The following IGF2R variants were observed in gnomAD, a reference collection of about 807,000 sequenced individuals.
IGF2R encodes insulin like growth factor 2 receptor.
A neutral mutation model predicts 270.6 loss-of-function variants in IGF2R; 91 were observed. The ratio of observed to expected loss-of-function variants is 0.34; its 90% CI spans 0.28 to 0.40. The LOEUF (loss-of-function observed/expected upper bound fraction) is 0.40, where lower values mean the gene tolerates loss of function less well. Among genes scored for constraint, IGF2R ranks in the 10% least tolerant of loss-of-function variants. The probability of loss-of-function intolerance (pLI) is 1.00; values close to 1 mark genes in which losing one functional copy is unlikely to be tolerated. For synonymous variants in IGF2R, 1,316 were observed against 1,258.9 expected (o/e 1.05, Z -0.96); for missense variants, 2,805 against 3,188.3 (o/e 0.88, Z 2.90).
chr6:160,018,455 A>T (rs1026729096), intron 4 of IGF2R, among the ~76,000 whole-genome samples: 3 of 152,186 alleles, frequency 2.0e-5, no homozygotes, highest in Non-Finnish European at 2.9e-5. Flanking sequence ...CATAAATTGG[A>T]TTCAGGACCA....
Position 160,010,671 on chromosome 6 carries a change from T to A in IGF2R, c.415-16T>A, listed in dbSNP as rs760282651. Reference sequence around the variant, plus strand: ...TGTGGTATGGTAACATTATAATTACTATTTTTTTTTAATAGGGAACTCCTG... The same window carrying A: ...TGTGGTATGGTAACATTATAATTACAATTTTTTTTTAATAGGGAACTCCTG... On this transcript the variant is annotated splice_polypyrimidine_tract_variant and intron_variant, in intron 3 of 47. Transcript: ENST00000356956. The A allele has an allele frequency of 7.1e-7, 1 of 1,408,116 alleles. No individual in the cohort carries two copies. The highest frequency in any genetic ancestry group is 1.0e-6 in the Non-Finnish European group (1 of 993,882). 87.2% of individuals were successfully genotyped at this position (1,408,116 alleles called of 1,614,324 possible).
At chr6:160,058,338 T>C (rs1204980798) in intron 21 of IGF2R, among the ~76,000 whole-genome samples, 1 of 152,214 alleles carries the variant, frequency 6.6e-6, no homozygotes, top group African/African-American at 2.4e-5. Flanking sequence ...AGACTGTTAT[T>C]CTTCAAATAA....
intron 18 of IGF2R, among the ~76,000 whole-genome samples, chr6:160,049,643 A>C (rs1348619675): frequency 6.6e-6 from 1 of 152,180 alleles, no homozygotes; most frequent in Non-Finnish European, 1.5e-5. Context: ...AATTCACACT[A>C]AAGCCTTTTC....
Position 160,080,199 on chromosome 6 carries a change from A to G in IGF2R, c.5757A>G (p.Ile1919Met). The G allele has an allele frequency of 6.2e-7, 1 of 1,614,196 alleles. No individual in the cohort carries two copies. Among genetic ancestry groups the G allele is most frequent in the Non-Finnish European group, 8.5e-7 (1 of 1,180,012 alleles). ...FNGKSYEECI[I>M]ESRAKLWCST... is the part of the protein sequence containing the mutation. ...GGAAGAGCTACGAGGAGTGCATCATAGAGAGCAGGGCGAAGCTGTGGTGTA... is the reference window on the plus strand; with the variant it reads ...GGAAGAGCTACGAGGAGTGCATCATGGAGAGCAGGGCGAAGCTGTGGTGTA... The change falls in exon 39 of 48, where the codon ATA becomes ATG. Residue 1919 changes from isoleucine to methionine, a missense_variant. Around this residue, in one of 2 missense-constraint regions of IGF2R, gnomAD observed 1,851 missense variants for 2,207.2 expected, o/e 0.84. Transcript: ENST00000356956.
At chr6:160,095,475 T>C (rs1267627997) in intron 44 of IGF2R, 1 of 152,270 alleles carries the variant, frequency 6.6e-6, no homozygotes, top group Non-Finnish European at 1.5e-5. Flanking sequence ...CAAAATTCTT[T>C]ATGAATTTTA....
intron 11 of IGF2R, among the ~76,000 whole-genome samples, chr6:160,042,187 C>T (rs866809840): frequency 6.6e-6 from 1 of 152,130 alleles, no homozygotes; most frequent in Non-Finnish European, 1.5e-5. Flanking sequence ...TTCCTTACTG[C>T]TTGAAGAAGT....
chr6:160,048,055 A>G, intron 17 of IGF2R, 148 bp downstream of exon 17: 1 of 678,080 alleles, frequency 1.5e-6, no homozygotes, highest in African/African-American at 1.8e-5. Flanking sequence ...CAGCAGAGTG[A>G]ATTCTAATAA....
In IGF2R at chr6:160,071,933, C is replaced by T. The variant is rs746272760; in HGVS notation, c.4467C>T (p.Ser1489=). The change falls in exon 32 of 48, where the codon AGC becomes AGT. Residue 1489 remains serine (S), a synonymous_variant. Coordinates refer to ENST00000356956, the MANE Select transcript of IGF2R (RefSeq NM_000876.4). ...AGAACTCCAGGCCCATGTTCATCAG[C>T]GCCGTGGAGGACTGTGAGTACACCT... ...SQVNSRPMFI[S]AVEDCEYTFA... 3.5e-5 allele frequency: 56 copies of T among 1,614,040 alleles called. No homozygotes were observed. The highest frequency in any genetic ancestry group is 1.6e-4 in the Middle Eastern group (1 of 6,084).
At chr6:160,012,630 A>G (rs370402275) in intron 4 of IGF2R, among the ~76,000 whole-genome samples, 3 of 151,640 alleles carry the variant, frequency 2.0e-5, no homozygotes, top group African/African-American at 7.3e-5. Flanking sequence ...CTCATGATCC[A>G]GTCACCTCCC....
intron 1 of IGF2R, among the ~76,000 whole-genome samples, chr6:159,987,348 C>G (rs1179624767): frequency 2.6e-5 from 4 of 152,046 alleles, no homozygotes; most frequent in African/African-American, 2.4e-5. Flanking sequence ...TTATTTAAAC[C>G]ACATGACTGT....
rs1778105519 is a variant in IGF2R, at chr6:160,047,904, C to G, written c.2342C>G (p.Ser781Cys). The G allele has an allele frequency of 3.1e-6, 5 of 1,597,612 alleles. No homozygotes were observed. Among genetic ancestry groups the G allele is most frequent in the Non-Finnish European group, 4.3e-6 (5 of 1,164,966 alleles). Residue 781 changes from serine to cysteine, a missense_variant, in exon 17 of 48, where the codon TCC becomes TGC. Ser to Cys is a moderately radical substitution (Grantham distance 112, BLOSUM62 -1). Coordinates refer to ENST00000356956, the MANE Select transcript of IGF2R (RefSeq NM_000876.4). ...TCCACGCTGGAGCAGTACGACCTCT[C>G]CAGGTGAGGCAGAGTCAGCTGCTCT... ...DPSTLEQYDLSSLAKSEGGLG... is the reference protein window; with the variant it reads ...DPSTLEQYDLCSLAKSEGGLG...
chr6:160,049,394 A>G (rs1778144603), intron 18 of IGF2R, among the ~76,000 whole-genome samples: 1 of 152,142 alleles, frequency 6.6e-6, no homozygotes, highest in Admixed American at 6.5e-5. Flanking sequence ...AGTACCCGAC[A>G]AGCCTGTTCC....
At position 160,078,308 on chromosome 6, in the gene IGF2R, T is replaced by C. The variant is rs1778898824; in HGVS notation, c.5424T>C (p.Asp1808=). The part of the protein sequence containing the change: ...EVRMDGCTLT[D]EQLLYSFNLS... The stretch of plus-strand genomic sequence containing the variant: ...GGATGGATGGCTGTACCCTGACAGA[T>C]GAGCAGCTCCTCTACAGCTTCAACT... Residue 1808 remains aspartate (D), a synonymous_variant, in exon 37 of 48, where the codon GAT becomes GAC. Transcript: ENST00000356956. 1 of 1,614,186 alleles carries C rather than the reference T, an allele frequency of 6.2e-7. No homozygotes were observed. Among genetic ancestry groups the C allele is most frequent in the Non-Finnish European group, 8.5e-7 (1 of 1,179,978 alleles).
chr6:160,035,024 G>C (rs930767121), intron 10 of IGF2R, among the ~76,000 whole-genome samples: 2 of 152,188 alleles, frequency 1.3e-5, no homozygotes, highest in Non-Finnish European at 2.9e-5. Flanking sequence ...TGAGTAATGA[G>C]AAGCACCCTT....
intron 13 of IGF2R, among the ~76,000 whole-genome samples, chr6:160,044,898 C>T (rs1029490475): frequency 2.0e-5 from 3 of 152,168 alleles, no homozygotes; most frequent in African/African-American, 7.2e-5. Flanking sequence ...AGTTGTGGGT[C>T]TCAGCGCTGT....
chr6:160,032,521 A>T (rs1386682152), intron 7 of IGF2R, 30 bp from the exon 8 acceptor site: 3 of 1,596,172 alleles, frequency 1.9e-6, no homozygotes, highest in Admixed American at 1.7e-5. Flanking sequence ...AACATTTTTT[A>T]TTTTGCTTCT....
At chr6:160,046,822 C>G (rs1778078424) in intron 15 of IGF2R, among the ~76,000 whole-genome samples, 177 bp downstream of exon 15, 1 of 152,216 alleles carries the variant, frequency 6.6e-6, no homozygotes, top group Non-Finnish European at 1.5e-5. Flanking sequence ...GAGAAAGGAG[C>G]AGGCCCATCC....
chr6:160,069,814 G>C (rs922818327), intron 30 of IGF2R, 54 bp from the exon 31 acceptor site: 6 of 1,553,084 alleles, frequency 3.9e-6, no homozygotes, highest in Admixed American at 3.4e-5. Context: ...ATGAAGTTCT[G>C]TTCTAGCCTG....
At chr6:159,988,828 G>C (rs1421975759) in intron 1 of IGF2R, among the ~76,000 whole-genome samples, 1 of 152,116 alleles carries the variant, frequency 6.6e-6, no homozygotes, top group African/African-American at 2.4e-5. Context: ...GGGCGTCTTT[G>C]TTTTGTTCAT....
Sources: allele counts gnomAD v4.1 joint callset (sites outside exome capture counted in the v4.1 genomes callset), GRCh38; gene constraint gnomAD v4.1.1; regional missense constraint gnomAD v4.1.1; transcripts MANE v1.5; gene names NCBI Gene and HGNC (gene_info 2026-07-23, HGNC 2026-07-21).